TMEM53: variants seen among roughly 807,000 people sequenced by gnomAD.
TMEM53 encodes transmembrane protein 53, also known as novel DUF829 domain-containing protein.
A neutral mutation model predicts 21.4 loss-of-function variants in TMEM53; 14 were observed. The observed-to-expected ratio is 0.65, with a 90% confidence interval of 0.43 to 1.02. The LOEUF is 1.02. TMEM53 is among the 50% of genes least tolerant of loss of function. The pLI, the probability that TMEM53 is intolerant of heterozygous loss-of-function variation, is 0.00. For synonymous variants in TMEM53, 148 were observed against 157.4 expected, an observed-to-expected ratio of 0.94 and a Z score of 0.45; for missense variants, 323 against 383.6, an observed-to-expected ratio of 0.84 and a Z score of 1.32.
At position 44,655,001 on chromosome 1, in the gene TMEM53, C is replaced by T. The variant is rs375381291; in HGVS notation, c.392G>A (p.Arg131His). 8.1e-6 allele frequency: 13 copies of T among 1,613,778 alleles called. No individual in the cohort carries two copies. Among genetic ancestry groups the T allele is most frequent in the African/African-American group, 6.7e-5 (5 of 74,928 alleles). Reference sequence around the variant, plus strand: ...GCCCACCACACGCAGGCGGCAGAAGCGACGGGTCTGCAGGAGCTCCAGCAC... The same window carrying T: ...GCCCACCACACGCAGGCGGCAGAAGTGACGGGTCTGCAGGAGCTCCAGCAC... ...RYVLELLQTR[R>H]FCRLRVVGTI... is the part of the protein sequence containing the mutation. The change falls in exon 3 of 3, where the codon CGC (arginine) becomes CAC (histidine). Residue 131 changes from arginine (R) to histidine (H), a missense_variant. Arg to His is a conservative substitution (Grantham distance 29). Transcript: ENST00000372237. The surrounding 1 kb of genome is among the most constrained non-coding windows in gnomAD (Gnocchi z 4.4).
At chr1:44,666,932 C>T (rs1644953857) in intron 1 of TMEM53, among the ~76,000 whole-genome samples, 1 of 151,954 alleles carries the variant, frequency 6.6e-6, no homozygotes, top group South Asian at 2.1e-4. Flanking sequence ...ACAGTCTCAA[C>T]CTCCCAGGCT....
In TMEM53 at chr1:44,673,878, G is replaced by A. The variant is rs141984987; in HGVS notation, c.61+453C>T. The A allele has an allele frequency of 1.2e-3, 1,169 of 985,406 alleles. 16 individuals carry two copies. The African/African-American group carries it at 0.019, about 16-fold the overall frequency. The allele number at this position is 985,406 out of a possible 1,614,324, so 61.0% of individuals were successfully genotyped here. On this transcript the variant is annotated intron_variant, in intron 1 of 2. Transcript: ENST00000372237. ...GAGAAGAGTGGAGAGGGACGGCTAA[G>A]GGTTCTGAGTCCCGGGCTTCTGCGA...
chr1:44,662,175 T>C (rs1644907963), intron 1 of TMEM53, among the ~76,000 whole-genome samples: 1 of 152,258 alleles, frequency 6.6e-6, no homozygotes, highest in African/African-American at 2.4e-5. Flanking sequence ...AAAAGTTCAA[T>C]GTTCCTGCTC....
In TMEM53 at chr1:44,654,601, TGTGTAGTAAGTAGGGTA is replaced by T; in HGVS notation, c.775_791del (p.Tyr259LysfsTer29). 1 of 1,612,644 alleles carries T rather than the reference TGTGTAGTAAGTAGGGTA, an allele frequency of 6.2e-7. No homozygotes were observed. The highest frequency in any genetic ancestry group is 8.5e-7 in the Non-Finnish European group (1 of 1,179,022). ...TGCGCATGAAGTCGACACAGAGGCT[TGTGTAGTAAGTAGGGTA>T]GTCACGGAGGTGGCTGACGTGTGCA... On this transcript the variant is annotated frameshift_variant, in exon 3 of 3. Transcript: ENST00000372237. LOFTEE classifies it high-confidence loss of function. This position sits in a 1 kb window ranked among gnomAD's most constrained non-coding sequence, Gnocchi z 7.0.
At position 44,653,678 on chromosome 1, in the gene TMEM53, T is replaced by C. The variant is rs904792462; in HGVS notation, c.*881A>G. 2.6e-5 allele frequency: 4 copies of C among 152,254 alleles called. No individual in the cohort carries two copies. The highest frequency in any genetic ancestry group is 7.2e-5 in the African/African-American group (3 of 41,448). 9.4% of individuals were successfully genotyped at this position (152,254 alleles called of 1,614,324 possible). On this transcript the variant is annotated 3_prime_UTR_variant, in exon 3 of 3. Transcript: ENST00000372237. ...TGAGTGAACTGCCAAGTGGGAGCCA[T>C]GTGAATGGTACTTTACACTGTAGGG... is the stretch of plus-strand genomic sequence containing the variant.
intron 1 of TMEM53, among the ~76,000 whole-genome samples, chr1:44,667,373 T>C (rs954001303): frequency 6.7e-6 from 1 of 150,188 alleles, no homozygotes. Context: ...AATGGTGCAA[T>C]CTCGGCTCAC....
rs1280666835 is a variant in TMEM53, at chr1:44,654,459, G to T, written c.*100C>A. On this transcript the variant is annotated 3_prime_UTR_variant, in exon 3 of 3. Coordinates refer to ENST00000372237, the MANE Select transcript of TMEM53 (RefSeq NM_024587.4). This position sits in a 1 kb window ranked among gnomAD's most constrained non-coding sequence, Gnocchi z 7.0. ...TTAGGGGACCGCAAAGTCCCAAAGGGCTACAGGGAGTTGAACGAGAAGAGT... is the reference window on the plus strand; with the variant it reads ...TTAGGGGACCGCAAAGTCCCAAAGGTCTACAGGGAGTTGAACGAGAAGAGT... 3 of 1,415,364 alleles carry T rather than the reference G, an allele frequency of 2.1e-6. No homozygotes were observed. Among genetic ancestry groups the T allele is most frequent in the Non-Finnish European group, 2.9e-6 (3 of 1,035,806 alleles). The allele number at this position is 1,415,364 out of a possible 1,614,324, so 87.7% of individuals were successfully genotyped here.
At chr1:44,669,591 C>G (rs958871414) in intron 1 of TMEM53, among the ~76,000 whole-genome samples, 1 of 152,234 alleles carries the variant, frequency 6.6e-6, no homozygotes, top group Admixed American at 6.5e-5. Context: ...TAAGGGTTCT[C>G]CCTACTTCAC....
rs1645066853 is a variant in TMEM53 at position 44,674,478 on chromosome 1, G to T, written c.-87C>A. ...CTCACCCGGGCGCCTCCTGGGCGCC[G>T]CCCAATCACCACACACCTCCCCCAA... On this transcript the variant is annotated 5_prime_UTR_variant, in exon 1 of 3. Transcript: ENST00000372237. 1.5e-6 allele frequency: 2 copies of T among 1,347,382 alleles called. No individual in the cohort carries two copies. Among genetic ancestry groups the T allele is most frequent in the African/African-American group, 1.5e-5 (1 of 67,878 alleles). The allele number at this position is 1,347,382 out of a possible 1,614,324, so 83.5% of individuals were successfully genotyped here.
intron 1 of TMEM53, among the ~76,000 whole-genome samples, chr1:44,669,771 T>C (rs1001319461): frequency 2.0e-4 from 30 of 151,082 alleles, no homozygotes; most frequent in African/African-American, 6.6e-4. Flanking sequence ...GCACCTGGCA[T>C]AGAGCAGACA....
At chr1:44,669,832 C>T (rs1644983362) in intron 1 of TMEM53, among the ~76,000 whole-genome samples, 1 of 146,540 alleles carries the variant, frequency 6.8e-6, no homozygotes, top group African/African-American at 2.5e-5. Flanking sequence ...GAGTTTCGCT[C>T]TCGTTACCTA....
intron 1 of TMEM53, among the ~76,000 whole-genome samples, chr1:44,668,072 A>G (rs1190413706): frequency 6.6e-6 from 1 of 152,234 alleles, no homozygotes; most frequent in Admixed American, 6.5e-5. Flanking sequence ...CTGATAAGGC[A>G]TAAGGGTCTG....
rs1644887224 is a variant in TMEM53, at chr1:44,660,157, G to A, written c.183+17C>T. ...GCCCTCACGGCAGCCCAGGGGAGAG[G>A]GCACCAGAGTACTCACCCTTTTGTG... On this transcript the variant is annotated intron_variant, in intron 2 of 2. Coordinates refer to ENST00000372237, the MANE Select transcript of TMEM53 (RefSeq NM_024587.4). The A allele has an allele frequency of 6.2e-7, 1 of 1,611,496 alleles. No individual in the cohort carries two copies. Among genetic ancestry groups the A allele is most frequent in the Middle Eastern group, 1.7e-4 (1 of 6,044 alleles).
chr1:44,661,404 CTT>C (rs892031680), intron 1 of TMEM53, among the ~76,000 whole-genome samples: 2 of 132,602 alleles, frequency 1.5e-5, no homozygotes, highest in African/African-American at 5.2e-5. Flanking sequence ...CTTTCTTTTT[CTT>C]TTTTTTTTTT....
At position 44,674,078 on chromosome 1, in the gene TMEM53, G is replaced by A. The variant is rs925220095; in HGVS notation, c.61+253C>T. The A allele has an allele frequency of 5.1e-6, 5 of 985,360 alleles. No homozygotes were observed. The African/African-American group carries it at 8.7e-5, about 17-fold the overall frequency. The allele number at this position is 985,360 out of a possible 1,614,324, so 61.0% of individuals were successfully genotyped here. A position where few individuals can be genotyped will look rare whatever the true frequency, so the allele number is the denominator to read the frequency against. The stretch of plus-strand genomic sequence containing the variant: ...GGACCTGAGCACCCCGGACAGGAAA[G>A]ACAGAAAAAGAGGTCCCAAGCGAGC... On this transcript the variant is annotated intron_variant, in intron 1 of 2. Transcript: ENST00000372237.
intron 1 of TMEM53, among the ~76,000 whole-genome samples, chr1:44,660,566 T>C (rs1367403430): frequency 6.6e-6 from 1 of 152,154 alleles, no homozygotes; most frequent in African/African-American, 2.4e-5. Context: ...AGTAAATACC[T>C]TGTCCACGCC....
chr1:44,663,302 G>A (rs950097710), intron 1 of TMEM53, among the ~76,000 whole-genome samples: 1 of 152,156 alleles, frequency 6.6e-6, no homozygotes, highest in African/African-American at 2.4e-5. Context: ...GTGAAGTGGC[G>A]CGATCTTGGC....
chr1:44,661,500 C>A (rs768030503), intron 1 of TMEM53, among the ~76,000 whole-genome samples: 9 of 151,906 alleles, frequency 5.9e-5, no homozygotes, highest in Non-Finnish European at 1.2e-4. Flanking sequence ...CTCAGCCTCC[C>A]GGGAACAAGA....
rs113038033 is a variant in TMEM53 at position 44,663,439 on chromosome 1, C to T, written c.62-3144G>A. ...TATTTTCAGTAGAGATGGGGTTTCA[C>T]CATGTTGACCAGGCTGGTGTCGAAC... On this transcript the variant is annotated intron_variant, in intron 1 of 2. Transcript: ENST00000372237. Among the ~76,000 whole-genome samples the T allele has an allele frequency of 8.5e-4, 130 of 152,296 alleles. 1 individual carries two copies. Among genetic ancestry groups the T allele is most frequent in the African/African-American group, 2.8e-3 (117 of 41,558 alleles).
Sources: allele counts gnomAD v4.1 joint callset (sites outside exome capture counted in the v4.1 genomes callset), GRCh38; gene constraint gnomAD v4.1.1; non-coding constraint Gnocchi (gnomAD v3.1); transcripts MANE v1.5; gene names NCBI Gene and HGNC (gene_info 2026-07-23, HGNC 2026-07-21).